MTHFD2L: variants seen among roughly 807,000 people sequenced by gnomAD.
MTHFD2L encodes the protein bifunctional methylenetetrahydrofolate dehydrogenase/cyclohydrolase 2, mitochondrial.
A neutral mutation model predicts 34.9 loss-of-function variants in MTHFD2L; 29 were observed. The observed-to-expected ratio is 0.83, with a 90% confidence interval of 0.62 to 1.13. The LOEUF (loss-of-function observed/expected upper bound fraction) is 1.13, where lower values mean the gene tolerates loss of function less well. Among genes scored for constraint, MTHFD2L ranks in the 50% most tolerant of loss-of-function variants. The probability of loss-of-function intolerance (pLI) is 0.00; values close to 1 mark genes in which losing one functional copy is unlikely to be tolerated. For synonymous variants in MTHFD2L, 167 were observed against 155.7 expected, an observed-to-expected ratio of 1.07 and a Z score of -0.54; for missense variants, 481 against 446.5, an observed-to-expected ratio of 1.08 and a Z score of -0.70.
chr4:74,151,762 T>A (rs564545922), intron 1 of MTHFD2L, among the ~76,000 whole-genome samples: 46 of 152,210 alleles, frequency 3.0e-4, no homozygotes, highest in Non-Finnish European at 5.1e-4. Flanking sequence ...GTCGACATAT[T>A]TACAATATTA....
intron 5 of MTHFD2L, among the ~76,000 whole-genome samples, chr4:74,223,822 G>A (rs918827753): frequency 6.6e-6 from 1 of 151,618 alleles, no homozygotes; most frequent in African/African-American, 2.4e-5. Flanking sequence ...ATTTGCATAT[G>A]GTAAAATTTA....
chr4:74,230,812 G>T (rs527258999), intron 6 of MTHFD2L, among the ~76,000 whole-genome samples: 6 of 152,208 alleles, frequency 3.9e-5, no homozygotes, highest in African/African-American at 1.4e-4. Context: ...GGGCTTTCTC[G>T]TATCTGCTTT....
chr4:74,118,687 C>G (rs1156367638), upstream of MTHFD2L, among the ~76,000 whole-genome samples: 1 of 152,136 alleles, frequency 6.6e-6, no homozygotes, highest in South Asian at 2.1e-4. Context: ...AGCAGGGATC[C>G]CCAAACCCTG....
intron 1 of MTHFD2L, among the ~76,000 whole-genome samples, chr4:74,131,833 A>G (rs1722529754): frequency 6.6e-6 from 1 of 152,220 alleles, no homozygotes; most frequent in Non-Finnish European, 1.5e-5. Flanking sequence ...CAATCTATCC[A>G]TCTGACAAAG....
At chr4:74,150,544 G>A (rs894385686) in intron 1 of MTHFD2L, among the ~76,000 whole-genome samples, 1 of 152,158 alleles carries the variant, frequency 6.6e-6, no homozygotes, top group East Asian at 1.9e-4. Context: ...GTAAGCCACC[G>A]TGCCTGGCCA....
intron 6 of MTHFD2L, among the ~76,000 whole-genome samples, chr4:74,258,164 GTATGGAGGTTCCTAAAAAAATTAAAAA>G (rs1266452188): frequency 6.6e-6 from 1 of 152,068 alleles, no homozygotes; most frequent in Non-Finnish European, 1.5e-5. Context: ...ATGGAAAACA[GTATGGAGGTTCCTAAAAAAATTAAAAA>G]TAGAACTACC....
intron 3 of MTHFD2L, among the ~76,000 whole-genome samples, chr4:74,184,152 A>G (rs976256826): frequency 2.6e-5 from 4 of 152,210 alleles, no homozygotes; most frequent in African/African-American, 9.6e-5. Flanking sequence ...AGGAATATAG[A>G]ACAATGGAGA....
chr4:74,171,257 G>A (rs1312959299), intron 1 of MTHFD2L, among the ~76,000 whole-genome samples: 1 of 152,080 alleles, frequency 6.6e-6, no homozygotes, highest in Non-Finnish European at 1.5e-5. Context: ...TTCAACATCA[G>A]TATTCGTTAA....
In MTHFD2L at chr4:74,175,268, G is replaced by T. The variant is rs564778927; in HGVS notation, c.329-13G>T. 17 of 1,609,998 alleles carry T rather than the reference G, an allele frequency of 1.1e-5. No individual in the cohort carries two copies. In the African/African-American group the frequency reaches 2.0e-4, roughly 19 times the overall value. ...GTTAGTCAAGTGACCTTCTCTACCT[G>T]TTTTTCTTCTAGGTATTTGTAGTGA... On this transcript the variant is annotated splice_polypyrimidine_tract_variant and intron_variant, in intron 2 of 7. Transcript: ENST00000325278.
intron 6 of MTHFD2L, among the ~76,000 whole-genome samples, chr4:74,226,165 T>C (rs911737560): frequency 1.4e-5 from 2 of 147,828 alleles, no homozygotes; most frequent in Non-Finnish European, 3.0e-5. Flanking sequence ...TCAACGTTTA[T>C]TGGATTTTGC....
intron 6 of MTHFD2L, among the ~76,000 whole-genome samples, chr4:74,278,392 C>T (rs1746967835): frequency 6.6e-6 from 1 of 152,036 alleles, no homozygotes; most frequent in Non-Finnish European, 1.5e-5. Flanking sequence ...TCCGTCATTC[C>T]AAAATTACAA....
intron 1 of MTHFD2L, among the ~76,000 whole-genome samples, chr4:74,163,777 T>C (rs1725986070): frequency 6.6e-6 from 1 of 152,248 alleles, no homozygotes; most frequent in South Asian, 2.1e-4. Flanking sequence ...ATCGAAGATA[T>C]GCCCTAAGAT....
intron 5 of MTHFD2L, among the ~76,000 whole-genome samples, chr4:74,208,832 A>G (rs1735801424): frequency 1.3e-5 from 2 of 152,218 alleles, no homozygotes; most frequent in East Asian, 1.9e-4. Flanking sequence ...TGGCTGTCTC[A>G]TTTCGCCCTC....
At position 74,175,396 on chromosome 4, in the gene MTHFD2L, A is replaced by C; in HGVS notation, c.444A>C (p.Pro148=). ...PRVSGILVQL[P]LPDHVDERTI... is the part of the protein sequence containing the mutation. ...TCAGCGGTATATTAGTTCAGTTACC[A>C]CTACCAGGTACATAATGCTCCTCTT... Residue 148 remains proline, a synonymous_variant, in exon 3 of 8, where the codon CCA becomes CCC. Transcript: ENST00000325278. 1 of 1,608,902 alleles carries C rather than the reference A, an allele frequency of 6.2e-7. No homozygotes were observed. Among genetic ancestry groups the C allele is most frequent in the Non-Finnish European group, 8.5e-7 (1 of 1,178,158 alleles).
intron 1 of MTHFD2L, chr4:74,160,170 C>A: frequency 9.5e-7 from 1 of 1,052,126 alleles, no homozygotes. Context: ...TTGTCTAGTT[C>A]TTCATAGTTA....
At chr4:74,167,114 A>G (rs1726882911) in intron 1 of MTHFD2L, among the ~76,000 whole-genome samples, 1 of 152,168 alleles carries the variant, frequency 6.6e-6, no homozygotes, top group South Asian at 2.1e-4. Context: ...TACCCAGTTG[A>G]CAGCCCACCC....
At chr4:74,155,699 C>T (rs1390113965), upstream of MTHFD2L, among the ~76,000 whole-genome samples, 1 of 151,694 alleles carries the variant, frequency 6.6e-6, no homozygotes, top group East Asian at 1.9e-4. Context: ...TATTATCATA[C>T]AAAAATATAA....
chr4:74,168,161 T>C (rs76572907), intron 1 of MTHFD2L, among the ~76,000 whole-genome samples: 1,633 of 152,310 alleles, frequency 0.011, 26 homozygotes, highest in African/African-American at 0.038. Context: ...CTAAATGGCT[T>C]CGTGTCTCAC....
At chr4:74,246,749 T>A (rs1394815999) in intron 6 of MTHFD2L, among the ~76,000 whole-genome samples, 1 of 152,174 alleles carries the variant, frequency 6.6e-6, no homozygotes, top group East Asian at 1.9e-4. Flanking sequence ...CTTTCCCCAT[T>A]GCTTGTTTTT....
Sources: allele counts gnomAD v4.1 joint callset (sites outside exome capture counted in the v4.1 genomes callset), GRCh38; gene constraint gnomAD v4.1.1; transcripts MANE v1.5; gene names NCBI Gene and HGNC (gene_info 2026-07-23, HGNC 2026-07-21).